NAP1L4: variants seen among roughly 807,000 people sequenced by gnomAD.
NAP1L4 encodes the protein nucleosome assembly protein 1-like 4.
In NAP1L4, 15 loss-of-function variants were observed where a neutral mutation model predicts 58.2. That is an observed-to-expected ratio of 0.26 (90% CI 0.17 to 0.40). The LOEUF (loss-of-function observed/expected upper bound fraction) is 0.40, where lower values mean the gene tolerates loss of function less well. Among genes scored for constraint, NAP1L4 ranks in the 10% least tolerant of loss-of-function variants. The pLI, the probability that NAP1L4 is intolerant of heterozygous loss-of-function variation, is 1.00. For synonymous variants in NAP1L4, 171 were observed against 155.6 expected, an observed-to-expected ratio of 1.10 and a Z score of -0.74; for missense variants, 384 against 451.1, an observed-to-expected ratio of 0.85 and a Z score of 1.35.
intron 4 of NAP1L4, among the ~76,000 whole-genome samples, chr11:2,975,623 T>A (rs188398626): frequency 6.6e-6 from 1 of 151,770 alleles, no homozygotes; most frequent in Non-Finnish European, 1.5e-5. Context: ...TGAAAACTCA[T>A]AGGCATGCGG....
At chr11:2,958,359 A>G (rs753110886) in intron 10 of NAP1L4, 40 bp downstream of exon 10, 1 of 1,606,402 alleles carries the variant, frequency 6.2e-7, no homozygotes. Context: ...AAATTATTTT[A>G]TATAAGAACA....
rs748995406 is a variant in NAP1L4, at chr11:2,951,824, A to G, written c.1036-15T>C. The G allele has an allele frequency of 3.1e-6, 5 of 1,613,944 alleles. No homozygotes were observed. The highest frequency in any genetic ancestry group is 3.3e-5 in the Admixed American group (2 of 60,024). On this transcript the variant is annotated splice_polypyrimidine_tract_variant and intron_variant, in intron 12 of 15. Transcript: ENST00000380542. This position sits in a 1 kb window ranked among gnomAD's most constrained non-coding sequence, Gnocchi z 4.0. ...CCTTCTTCAAACTGGAGAAACACAG[A>G]AAAACATTTTTAGGTTTACAAAACA...
At chr11:2,953,160 A>C (rs758452052) in intron 12 of NAP1L4, among the ~76,000 whole-genome samples, 1 of 152,228 alleles carries the variant, frequency 6.6e-6, no homozygotes, top group Non-Finnish European at 1.5e-5. Flanking sequence ...TCTAACTGAC[A>C]CTGCTCATCA....
chr11:2,947,554 G>A (rs1846000772), intron 15 of NAP1L4, among the ~76,000 whole-genome samples: 2 of 152,124 alleles, frequency 1.3e-5, no homozygotes, highest in African/African-American at 4.8e-5. Flanking sequence ...GTGACTGACA[G>A]GAGTTTTAGA....
In NAP1L4 at chr11:2,976,126, A is replaced by G. The variant is rs1847939864; in HGVS notation, c.74-3T>C. ...CATCACCTGATCTGTGAGCTTTTCT[A>G]TGAAGAGTTAAGACCAAACATATTT... On this transcript the variant is annotated splice_region_variant and splice_polypyrimidine_tract_variant and intron_variant, in intron 3 of 15. Coordinates refer to ENST00000380542, the MANE Select transcript of NAP1L4 (RefSeq NM_005969.4). The G allele has an allele frequency of 1.9e-6, 3 of 1,611,284 alleles. No individual in the cohort carries two copies. In the Admixed American group the frequency reaches 5.0e-5, roughly 27 times the overall value.
chr11:2,951,352 G>C lies in NAP1L4; in HGVS notation c.1066-37C>G. 6.3e-7 allele frequency: 1 copy of C among 1,576,842 alleles called. No individual in the cohort carries two copies. The highest frequency in any genetic ancestry group is 8.7e-7 in the Non-Finnish European group (1 of 1,146,314). On this transcript the variant is annotated intron_variant, in intron 13 of 15. Coordinates refer to ENST00000380542, the MANE Select transcript of NAP1L4 (RefSeq NM_005969.4). This position sits in a 1 kb window ranked among gnomAD's most constrained non-coding sequence, Gnocchi z 4.0. ...AAGTGAGAATTAGCTGGAATGACAA[G>C]ATTTAAACTCTTGTGGCATTCACAA...
At chr11:2,990,888 T>C (rs1229253864) in intron 1 of NAP1L4, 2 of 322,776 alleles carry the variant, frequency 6.2e-6, no homozygotes. Flanking sequence ...TACAGGAAGG[T>C]AGTAACTTAG....
In NAP1L4 at chr11:2,948,503, T is replaced by C. The variant is rs1846055160; in HGVS notation, c.*32+724A>G. On this transcript the variant is annotated intron_variant, in intron 15 of 15. Coordinates refer to ENST00000380542, the MANE Select transcript of NAP1L4 (RefSeq NM_005969.4). This position sits in a 1 kb window ranked among gnomAD's most constrained non-coding sequence, Gnocchi z 5.1. ...AGGTCTCGTCACGGGCAAGAGCCTC[T>C]GTCTACTTACGGCCTCCTGTCAGCA... Among the ~76,000 whole-genome samples, 1 of 152,238 alleles carries C rather than the reference T, an allele frequency of 6.6e-6. No homozygotes were observed. The highest frequency in any genetic ancestry group is 1.5e-5 in the Non-Finnish European group (1 of 68,042).
chr11:2,969,653 C>T (rs996240228), intron 7 of NAP1L4, 150 bp downstream of exon 7: 12 of 694,980 alleles, frequency 1.7e-5, no homozygotes. Flanking sequence ...GAGATCAGGA[C>T]TGCTCATCTG....
In NAP1L4 at chr11:2,978,009, G is replaced by C. The variant is rs144507856; in HGVS notation, c.73+275C>G. On this transcript the variant is annotated intron_variant, in intron 3 of 15. Coordinates refer to ENST00000380542, the MANE Select transcript of NAP1L4 (RefSeq NM_005969.4). ...CAGCAAGGCTCCATCTCAAAAATAA[G>C]AAAAAAGACTGGTCATTTGTTAATC... Among the ~76,000 whole-genome samples, 51 of 152,048 alleles carry C rather than the reference G, an allele frequency of 3.4e-4. 1 individual carries two copies. Among genetic ancestry groups the C allele is most frequent in the African/African-American group, 1.1e-3 (45 of 41,496 alleles).
In NAP1L4 at chr11:2,959,691, C is replaced by T. The variant is rs992640217; in HGVS notation, c.746+79G>A. The T allele has an allele frequency of 2.9e-5, 45 of 1,539,540 alleles. No homozygotes were observed. In the African/African-American group the frequency reaches 4.9e-4, roughly 17 times the overall value. On this transcript the variant is annotated intron_variant, in intron 9 of 15. Transcript: ENST00000380542. The surrounding 1 kb of genome is among the most constrained non-coding windows in gnomAD (Gnocchi z 4.9). Reference sequence around the variant, plus strand: ...ACTCAAGACTGTACTTTATTCCTTACTTCTATCTTACCCATCAAGTTACAA... The same window carrying T: ...ACTCAAGACTGTACTTTATTCCTTATTTCTATCTTACCCATCAAGTTACAA...
intron 1 of NAP1L4, among the ~76,000 whole-genome samples, chr11:2,982,305 C>T (rs923256898): frequency 1.3e-5 from 2 of 152,168 alleles, no homozygotes; most frequent in East Asian, 1.9e-4. Context: ...TTGAAGCTCT[C>T]TATTGCCTAA....
rs1286240027 is a variant in NAP1L4, at chr11:2,971,167, T to C, written c.402+281A>G. Among the ~76,000 whole-genome samples the C allele has an allele frequency of 6.6e-6, 1 of 152,212 alleles. No homozygotes were observed. The highest frequency in any genetic ancestry group is 1.5e-5 in the Non-Finnish European group (1 of 68,024). On this transcript the variant is annotated intron_variant, in intron 6 of 15. Coordinates refer to ENST00000380542, the MANE Select transcript of NAP1L4 (RefSeq NM_005969.4). This position sits in a 1 kb window ranked among gnomAD's most constrained non-coding sequence, Gnocchi z 4.2. ...ACACAGGGGCATCTCTTCTTCATCT[T>C]TGCTTTCTCTGATGTTTTAATCTTT...
intron 12 of NAP1L4, chr11:2,952,055 T>A: frequency 1.7e-6 from 1 of 577,394 alleles, no homozygotes; most frequent in Non-Finnish European, 3.1e-6. Flanking sequence ...AGCCAGGGTG[T>A]ACCCTGGACA....
chr11:2,976,264 T>TA lies in NAP1L4; in HGVS notation c.74-142dup, dbSNP rs1232646975. 11 of 595,576 alleles carry TA rather than the reference T, an allele frequency of 1.8e-5. No individual in the cohort carries two copies. In the Admixed American group the frequency reaches 3.6e-4, roughly 20 times the overall value. The allele number at this position is 595,576 out of a possible 1,614,324, so 36.9% of individuals were successfully genotyped here. A position where few individuals can be genotyped will look rare whatever the true frequency, so the allele number is the denominator to read the frequency against. The stretch of plus-strand genomic sequence containing the variant: ...CTAAATACATACACCAGTGACTTCT[T>TA]AAACATGTTTTGAAAATAATTAAAA... On this transcript the variant is annotated intron_variant, in intron 3 of 15. Coordinates refer to ENST00000380542, the MANE Select transcript of NAP1L4 (RefSeq NM_005969.4).
At position 2,976,127 on chromosome 11, in the gene NAP1L4, T is replaced by C. The variant is rs1847940085; in HGVS notation, c.74-4A>G. 1 of 1,611,284 alleles carries C rather than the reference T, an allele frequency of 6.2e-7. No individual in the cohort carries two copies. The highest frequency in any genetic ancestry group is 8.5e-7 in the Non-Finnish European group (1 of 1,179,014). On this transcript the variant is annotated splice_region_variant and splice_polypyrimidine_tract_variant and intron_variant, in intron 3 of 15. Transcript: ENST00000380542. ...ATCACCTGATCTGTGAGCTTTTCTA[T>C]GAAGAGTTAAGACCAAACATATTTA...
Position 2,955,830 on chromosome 11 carries a change from A to G in NAP1L4, c.893-64T>C. On this transcript the variant is annotated intron_variant, in intron 10 of 15. Transcript: ENST00000380542. The surrounding 1 kb of genome is among the most constrained non-coding windows in gnomAD (Gnocchi z 4.2). ...GACAACTCCCAGAATTTTAAAGCCC[A>G]CACAGGAGGAAGCTGTGCTGGTAGA... is the stretch of plus-strand genomic sequence containing the variant. 2 of 1,448,042 alleles carry G rather than the reference A, an allele frequency of 1.4e-6. No individual in the cohort carries two copies. Among genetic ancestry groups the G allele is most frequent in the Non-Finnish European group, 1.9e-6 (2 of 1,034,986 alleles). The allele number at this position is 1,448,042 out of a possible 1,614,324, so 89.7% of individuals were successfully genotyped here. A position where few individuals can be genotyped will look rare whatever the true frequency, so the allele number is the denominator to read the frequency against.
chr11:2,956,425 TTAC>T (rs1236258679), intron 10 of NAP1L4, among the ~76,000 whole-genome samples: 1 of 152,090 alleles, frequency 6.6e-6, no homozygotes, highest in Admixed American at 6.5e-5. Flanking sequence ...TTAGAAACAT[TTAC>T]TACAAGACCC....
chr11:2,972,881 G>A (rs1341496596), intron 4 of NAP1L4, among the ~76,000 whole-genome samples: 3 of 152,156 alleles, frequency 2.0e-5, no homozygotes, highest in Non-Finnish European at 4.4e-5. Context: ...TGAGGTGGGA[G>A]GATCACTTGA....
Sources: allele counts gnomAD v4.1 joint callset (sites outside exome capture counted in the v4.1 genomes callset), GRCh38; gene constraint gnomAD v4.1.1; non-coding constraint Gnocchi (gnomAD v3.1); transcripts MANE v1.5; gene names NCBI Gene and HGNC (gene_info 2026-07-23, HGNC 2026-07-21).